RGL1: variants seen among roughly 807,000 people sequenced by gnomAD.
The protein encoded by RGL1 is ral guanine nucleotide dissociation stimulator-like 1.
RGL1 carries 24 observed loss-of-function variants against 95.2 expected under a neutral mutation model. That is an observed-to-expected ratio of 0.25 (90% CI 0.18 to 0.35). The LOEUF (loss-of-function observed/expected upper bound fraction) is 0.35. Among genes scored for constraint, RGL1 ranks in the 10% least tolerant of loss-of-function variants. The pLI, the probability that RGL1 is intolerant of heterozygous loss-of-function variation, is 1.00. For missense variants in RGL1, 715 were observed against 936.3 expected (o/e 0.76, Z 3.08); for synonymous variants, 329 against 344.9 (o/e 0.95, Z 0.51).
At chr1:183,818,236 G>T (rs1203327515) in intron 2 of RGL1, among the ~76,000 whole-genome samples, 2 of 152,094 alleles carry the variant, frequency 1.3e-5, no homozygotes, top group Non-Finnish European at 2.9e-5. Context: ...AGTTTTAAAA[G>T]GTTTCCTTCC....
chr1:183,671,589 A>T (rs1246606946), intron 1 of RGL1, among the ~76,000 whole-genome samples: 1 of 152,068 alleles, frequency 6.6e-6, no homozygotes, highest in Middle Eastern at 3.2e-3. Context: ...TGAAGAGTGG[A>T]TGGGACTCTG....
intron 3 of RGL1, among the ~76,000 whole-genome samples, chr1:183,848,245 C>G: frequency 6.6e-6 from 1 of 152,092 alleles, no homozygotes; most frequent in South Asian, 2.1e-4. Flanking sequence ...TATTAACAGT[C>G]AGCATGTATT....
At chr1:183,658,819 G>A (rs1651388695) in intron 1 of RGL1, among the ~76,000 whole-genome samples, 1 of 152,122 alleles carries the variant, frequency 6.6e-6, no homozygotes, top group Non-Finnish European at 1.5e-5. Context: ...CCCAGTAGGG[G>A]CAGACTGACA....
At chr1:183,682,582 T>C (rs187875328) in intron 1 of RGL1, among the ~76,000 whole-genome samples, 12 of 152,320 alleles carry the variant, frequency 7.9e-5, no homozygotes, top group Admixed American at 6.5e-4. Flanking sequence ...GTGTTTTACT[T>C]TGAATTATGT....
At chr1:183,756,261 T>G (rs577582917) in intron 2 of RGL1, among the ~76,000 whole-genome samples, 5 of 151,708 alleles carry the variant, frequency 3.3e-5, no homozygotes, top group Non-Finnish European at 7.4e-5. Context: ...TTGACCTCCC[T>G]GGTTCGCTTA....
At chr1:183,686,586 A>G (rs139855890) in intron 1 of RGL1, among the ~76,000 whole-genome samples, 13 of 152,330 alleles carry the variant, frequency 8.5e-5, no homozygotes, top group African/African-American at 3.1e-4. Context: ...ATTTCCTAGC[A>G]TGTTCAGATA....
chr1:183,876,963 G>A (rs1304047005), intron 4 of RGL1, among the ~76,000 whole-genome samples: 2 of 152,156 alleles, frequency 1.3e-5, no homozygotes, highest in Non-Finnish European at 2.9e-5. Flanking sequence ...TTCTCTCCAG[G>A]TATCTCAAAA....
At chr1:183,735,813 A>G (rs1485806735) in intron 1 of RGL1, among the ~76,000 whole-genome samples, 2 of 151,810 alleles carry the variant, frequency 1.3e-5, no homozygotes, top group African/African-American at 4.8e-5. Flanking sequence ...CCCAGTTTCC[A>G]TTTTCATATG....
At chr1:183,878,716 T>C (rs376056341) in intron 4 of RGL1, among the ~76,000 whole-genome samples, 1 of 152,322 alleles carries the variant, frequency 6.6e-6, no homozygotes, top group East Asian at 1.9e-4. Context: ...AAGAAGTGAA[T>C]AATATATTAG....
intron 2 of RGL1, among the ~76,000 whole-genome samples, chr1:183,783,463 A>G (rs1660005329): frequency 6.6e-6 from 1 of 152,190 alleles, no homozygotes; most frequent in Admixed American, 6.5e-5. Flanking sequence ...TAGGGACAGG[A>G]GCCCTTGCCC....
At chr1:183,720,091 T>A (rs1655921067) in intron 1 of RGL1, among the ~76,000 whole-genome samples, 2 of 151,860 alleles carry the variant, frequency 1.3e-5, no homozygotes, top group South Asian at 4.2e-4. Context: ...AAATTAGCGT[T>A]AAAAAAATAG....
intron 2 of RGL1, among the ~76,000 whole-genome samples, chr1:183,772,414 C>G (rs1371184596): frequency 6.6e-6 from 1 of 152,160 alleles, no homozygotes; most frequent in African/African-American, 2.4e-5. Context: ...GACAAGGGAA[C>G]CTTTCCTATT....
At chr1:183,797,557 T>C (rs1248799127) in intron 2 of RGL1, among the ~76,000 whole-genome samples, 1 of 152,164 alleles carries the variant, frequency 6.6e-6, no homozygotes, top group Non-Finnish European at 1.5e-5. Flanking sequence ...TAACAGAGCA[T>C]TGAGAATTTT....
At chr1:183,854,064 G>A (rs1421620017) in intron 3 of RGL1, among the ~76,000 whole-genome samples, 1 of 152,208 alleles carries the variant, frequency 6.6e-6, no homozygotes, top group Non-Finnish European at 1.5e-5. Flanking sequence ...CCTTCTTCAT[G>A]CTGAATGTCT....
chr1:183,812,316 T>C (rs1661777978), intron 2 of RGL1, among the ~76,000 whole-genome samples: 1 of 152,216 alleles, frequency 6.6e-6, no homozygotes, highest in South Asian at 2.1e-4. Flanking sequence ...GGTGTGGCTA[T>C]CTCAAGACGT....
At chr1:183,846,594 G>A (rs1335659123) in intron 2 of RGL1, among the ~76,000 whole-genome samples, 1 of 151,826 alleles carries the variant, frequency 6.6e-6, no homozygotes, top group Non-Finnish European at 1.5e-5. Context: ...AAAAGAATGA[G>A]TTTGTCCAGG....
chr1:183,874,200 G>GGAGGAACCTGGGGCGTAGGTT (rs145632907), intron 4 of RGL1, among the ~76,000 whole-genome samples: 12,839 of 152,062 alleles, frequency 0.084, 573 homozygotes, highest in Middle Eastern at 0.18. Flanking sequence ...ATTTTACAGA[G>GGAGGAACCTGGGGCGTAGGTT]GAGGAACCTG....
intron 1 of RGL1, among the ~76,000 whole-genome samples, chr1:183,723,642 C>A (rs977782274): frequency 6.6e-6 from 1 of 152,178 alleles, no homozygotes; most frequent in African/African-American, 2.4e-5. Flanking sequence ...GGGCTTTATC[C>A]ATCCTAGCAG....
chr1:183,819,584 G>A lies in RGL1; in HGVS notation c.138+13099G>A, dbSNP rs530579671. The stretch of plus-strand genomic sequence containing the variant: ...TAGAATTTCAGAATTCTGTTTTTAG[G>A]TGCTTTCATTTACATTGTCCCAAAT... On this transcript the variant is annotated intron_variant, in intron 2 of 17. Transcript: ENST00000360851. Among the ~76,000 whole-genome samples the A allele has an allele frequency of 4.6e-5, 7 of 152,042 alleles. No homozygotes were observed. In the East Asian group the frequency reaches 1.4e-3, roughly 29 times the overall value.
Sources: allele counts gnomAD v4.1 joint callset (sites outside exome capture counted in the v4.1 genomes callset), GRCh38; gene constraint gnomAD v4.1.1; transcripts MANE v1.5; gene names NCBI Gene and HGNC (gene_info 2026-07-23, HGNC 2026-07-21).